ITGB3BP: variants seen among roughly 807,000 people sequenced by gnomAD.
ITGB3BP encodes integrin subunit beta 3 binding protein, also known as centromere protein R.
In ITGB3BP, 27 loss-of-function variants were observed where a neutral mutation model predicts 29.1. The observed-to-expected ratio is 0.93, with a 90% CI of 0.68 to 1.28. ITGB3BP has a LOEUF of 1.28. Ranked by LOEUF, ITGB3BP falls within the 50% of genes most tolerant of loss-of-function variation. ITGB3BP has a pLI of 0.00. For synonymous variants in ITGB3BP, 61 were observed against 61.4 expected, an observed-to-expected ratio of 0.99 and a Z score of 0.03; for missense variants, 192 against 200.2, an observed-to-expected ratio of 0.96 and a Z score of 0.25.
At chr1:63,527,932 A>C (rs906305717), upstream of ITGB3BP, 1 of 152,192 alleles carries the variant, frequency 6.6e-6, no homozygotes, top group Non-Finnish European at 1.5e-5. Flanking sequence ...TGGACTTCAA[A>C]TGCTGGCAAG....
In ITGB3BP at chr1:63,463,399, T is replaced by C. The variant is rs75509572; in HGVS notation, c.255-8431A>G. Among the ~76,000 whole-genome samples the C allele has an allele frequency of 6.6e-5, 10 of 152,260 alleles. No individual in the cohort carries two copies. The East Asian group carries it at 9.6e-4, about 15-fold the overall frequency. On this transcript the variant is annotated intron_variant, in intron 4 of 8. Transcript: ENST00000271002. The stretch of plus-strand genomic sequence containing the variant: ...AAATACACACACACAAATGAGTTCA[T>C]TGCAAAACAGGAAATATGAATAAGA...
At chr1:63,494,871 C>T (rs1302858196) in intron 2 of ITGB3BP, among the ~76,000 whole-genome samples, 1 of 152,188 alleles carries the variant, frequency 6.6e-6, no homozygotes, top group Admixed American at 6.5e-5. Context: ...GGCACTATCA[C>T]AGCTCACTGC....
chr1:63,481,611 C>A (rs1288462236), intron 3 of ITGB3BP, among the ~76,000 whole-genome samples: 5 of 152,190 alleles, frequency 3.3e-5, no homozygotes, highest in African/African-American at 1.2e-4. Context: ...AATGTACCAT[C>A]ACTGAATCTG....
rs754604620 is a variant in ITGB3BP, at chr1:63,454,959, C to T, written c.264G>A (p.Met88Ile). The T allele has an allele frequency of 4.6e-5, 69 of 1,509,962 alleles. No homozygotes were observed. The highest frequency in any genetic ancestry group is 5.8e-5 in the Non-Finnish European group (63 of 1,087,050). The allele number at this position is 1,509,962 out of a possible 1,614,324, so 93.5% of individuals were successfully genotyped here. A position where few individuals can be genotyped will look rare whatever the true frequency, so the allele number is the denominator to read the frequency against. ...ACAATTTCTCAACTTTTGATAGCAA[C>T]ATCATGAATCTAGTAATAAAGAAAA... ...STTKDNDEFM[M>I]LLSKVEKLSE... The change falls in exon 5 of 9, where the codon ATG (methionine) becomes ATA (isoleucine). Residue 88 changes from methionine (M) to isoleucine (I), a missense_variant. Coordinates refer to ENST00000271002, the MANE Select transcript of ITGB3BP (RefSeq NM_014288.5). The surrounding 1 kb of genome is among the most constrained non-coding windows in gnomAD (Gnocchi z 4.1).
At chr1:63,490,348 A>G (rs530065156) in intron 2 of ITGB3BP, 130 bp from the exon 3 acceptor site, 1 of 609,194 alleles carries the variant, frequency 1.6e-6, no homozygotes, top group East Asian at 2.9e-5. Flanking sequence ...TTACAAATAT[A>G]CTCAACTATC....
At chr1:63,447,895 C>T (rs1292714576) in intron 7 of ITGB3BP, 3 of 245,038 alleles carry the variant, frequency 1.2e-5, no homozygotes, top group Non-Finnish European at 8.3e-6. Flanking sequence ...TTTATTGCGG[C>T]ACTATTCACA....
At chr1:63,520,561 T>C (rs1309232442) in intron 1 of ITGB3BP, among the ~76,000 whole-genome samples, 3 of 152,286 alleles carry the variant, frequency 2.0e-5, no homozygotes, top group Middle Eastern at 6.8e-3. Flanking sequence ...GGACTTAAGA[T>C]AGGTAATCTC....
intron 2 of ITGB3BP, among the ~76,000 whole-genome samples, chr1:63,490,475 A>T (rs1645622552): frequency 6.6e-6 from 1 of 152,156 alleles, no homozygotes; most frequent in South Asian, 2.1e-4. Context: ...ACCTTCTGAG[A>T]TGGTATTTCC....
chr1:63,441,780 T>A (rs1376661480), intron 8 of ITGB3BP, among the ~76,000 whole-genome samples: 5 of 152,186 alleles, frequency 3.3e-5, no homozygotes. Context: ...TATGACAGAT[T>A]CCTATTCAGA....
chr1:63,443,811 T>C (rs1385552712), intron 8 of ITGB3BP, among the ~76,000 whole-genome samples: 3 of 152,040 alleles, frequency 2.0e-5, no homozygotes, highest in South Asian at 4.2e-4. Context: ...ATTTGACCAA[T>C]GGAATGATAT....
upstream of ITGB3BP, chr1:63,525,632 G>A (rs1287149692): frequency 2.5e-6 from 4 of 1,599,416 alleles, no homozygotes; most frequent in Non-Finnish European, 3.4e-6. Context: ...CACCTTCAGA[G>A]AGTCCTCGAA....
chr1:63,491,532 C>G (rs1645646269), intron 2 of ITGB3BP, among the ~76,000 whole-genome samples: 1 of 152,068 alleles, frequency 6.6e-6, no homozygotes, highest in South Asian at 2.1e-4. Context: ...CTGGATATAG[C>G]TTGGTAGAGG....
At chr1:63,451,569 CA>C (rs1000200423) in intron 7 of ITGB3BP, among the ~76,000 whole-genome samples, 27 of 151,764 alleles carry the variant, frequency 1.8e-4, no homozygotes, top group African/African-American at 6.5e-4. Context: ...TAGCTTAGTA[CA>C]AAAAATTTGC....
At chr1:63,526,524 A>G (rs1351836450), upstream of ITGB3BP, among the ~76,000 whole-genome samples, 2 of 152,236 alleles carry the variant, frequency 1.3e-5, no homozygotes, top group Non-Finnish European at 2.9e-5. Context: ...TTTGTATCCA[A>G]TAAGATCTAT....
chr1:63,491,866 T>C (rs186326938), intron 2 of ITGB3BP, among the ~76,000 whole-genome samples: 32 of 152,148 alleles, frequency 2.1e-4, no homozygotes, highest in Admixed American at 8.5e-4. Flanking sequence ...GGGTTTTAAG[T>C]CTCTTTATCG....
intron 2 of ITGB3BP, among the ~76,000 whole-genome samples, chr1:63,500,478 C>G (rs1017114631): frequency 6.6e-6 from 1 of 152,088 alleles, no homozygotes; most frequent in Non-Finnish European, 1.5e-5. Flanking sequence ...AGTTGTATTT[C>G]TATACATTAG....
chr1:63,446,701 A>C, intron 8 of ITGB3BP, 105 bp downstream of exon 8: 1 of 814,204 alleles, frequency 1.2e-6, no homozygotes, highest in African/African-American at 1.7e-5. Context: ...ATTTTCTTAC[A>C]GGAAGACAAT....
At chr1:63,453,613 T>C (rs1644891158) in intron 7 of ITGB3BP, 1 of 235,454 alleles carries the variant, frequency 4.2e-6, no homozygotes, top group Admixed American at 5.7e-5. Flanking sequence ...TTGCTCCTAT[T>C]TGTATTCTCA....
At chr1:63,471,474 A>G (rs1319681705) in intron 4 of ITGB3BP, among the ~76,000 whole-genome samples, 1 of 151,934 alleles carries the variant, frequency 6.6e-6, no homozygotes, top group African/African-American at 2.4e-5. Context: ...GATGGTCTCT[A>G]TCTCCTGACC....
Sources: allele counts gnomAD v4.1 joint callset (sites outside exome capture counted in the v4.1 genomes callset), GRCh38; gene constraint gnomAD v4.1.1; non-coding constraint Gnocchi (gnomAD v3.1); transcripts MANE v1.5; gene names NCBI Gene and HGNC (gene_info 2026-07-23, HGNC 2026-07-21).